Variants in PRKCB observed in about 807,000 individuals in gnomAD.
PRKCB encodes the protein protein kinase C beta type.
PRKCB carries 13 observed loss-of-function variants against 81.5 expected under a neutral mutation model. That is an observed-to-expected ratio of 0.16 (90% CI 0.10 to 0.25). PRKCB has a LOEUF of 0.25. Ranked by LOEUF, PRKCB falls within the 10% of genes least tolerant of loss-of-function variation. The pLI is 1.00. For synonymous variants in PRKCB, 335 were observed against 321.4 expected (o/e 1.04, Z -0.45); for missense variants, 509 against 875.7 (o/e 0.58, Z 5.29).
intron 5 of PRKCB, among the ~76,000 whole-genome samples, chr16:24,052,172 CAT>C (rs1255832237): frequency 1.3e-5 from 2 of 151,824 alleles, no homozygotes; most frequent in Non-Finnish European, 2.9e-5. Flanking sequence ...TGCCAATGTG[CAT>C]TGGAGAGCTG....
chr16:24,100,881 C>T (rs973250982), intron 7 of PRKCB, among the ~76,000 whole-genome samples: 1 of 152,088 alleles, frequency 6.6e-6, no homozygotes, highest in African/African-American at 2.4e-5. Flanking sequence ...ATGGGGAATG[C>T]TGATTGGTGG....
intron 9 of PRKCB, among the ~76,000 whole-genome samples, chr16:24,148,816 A>C (rs1437010589): frequency 1.3e-5 from 2 of 152,142 alleles, no homozygotes; most frequent in Non-Finnish European, 2.9e-5. Flanking sequence ...CCATAGCCAC[A>C]CTCATTCACT....
chr16:23,911,825 C>CTTTTTTTTTTTTTTTT lies in PRKCB; in HGVS notation c.205+74419_205+74420insTTTTTTTTTTTTTTTT, dbSNP rs1567311221. Among the ~76,000 whole-genome samples the CTTTTTTTTTTTTTTTT allele has an allele frequency of 7.9e-5, 10 of 126,372 alleles. 4 individuals carry two copies. The highest frequency in any genetic ancestry group is 1.3e-4 in the Non-Finnish European group (8 of 61,704). 82.9% of individuals were successfully genotyped at this position (126,372 alleles called of 152,430 possible). The stretch of plus-strand genomic sequence containing the variant: ...CTTGTCCTGGGATATGCGCGACCCA[C>CTTTTTTTTTTTTTTTT]ATTTTTTTTTTTTTTTTTTTTTTTT... On this transcript the variant is annotated intron_variant, in intron 2 of 16. Transcript: ENST00000643927.
intron 7 of PRKCB, among the ~76,000 whole-genome samples, chr16:24,107,256 T>G (rs1966590860): frequency 6.6e-6 from 1 of 152,250 alleles, no homozygotes; most frequent in Non-Finnish European, 1.5e-5. Flanking sequence ...TTCTCTCTTT[T>G]GGCAGCAGTT....
intron 5 of PRKCB, among the ~76,000 whole-genome samples, chr16:24,059,394 A>C (rs957404244): frequency 2.0e-5 from 3 of 152,174 alleles, no homozygotes; most frequent in Non-Finnish European, 2.9e-5. Context: ...GCAGTGGCTC[A>C]TGTCTGTAAT....
intron 5 of PRKCB, among the ~76,000 whole-genome samples, chr16:24,065,769 G>C (rs1051911485): frequency 6.6e-6 from 1 of 152,148 alleles, no homozygotes; most frequent in Admixed American, 6.5e-5. Context: ...AGCTATTCAG[G>C]AGTCTGAGAC....
intron 2 of PRKCB, among the ~76,000 whole-genome samples, chr16:23,987,400 G>GT (rs1391008555): frequency 1.1e-4 from 13 of 123,512 alleles, no homozygotes; most frequent in Non-Finnish European, 1.4e-4. Context: ...TTTGGTTGGG[G>GT]TGGGGGGGGG....
chr16:24,168,409 T>C (rs1454017285), intron 10 of PRKCB, among the ~76,000 whole-genome samples: 3 of 152,162 alleles, frequency 2.0e-5, no homozygotes, highest in East Asian at 3.9e-4. Context: ...ACCTTTTACG[T>C]TGTGACTCAG....
At chr16:23,861,563 C>T (rs566403391) in intron 2 of PRKCB, among the ~76,000 whole-genome samples, 11 of 152,302 alleles carry the variant, frequency 7.2e-5, no homozygotes, top group South Asian at 4.1e-4. Context: ...TGTCATCAAG[C>T]GCCTCTCAGT....
chr16:24,194,818 G>A (rs1253726096), intron 16 of PRKCB, among the ~76,000 whole-genome samples: 1 of 152,198 alleles, frequency 6.6e-6, no homozygotes, highest in Non-Finnish European at 1.5e-5. Context: ...ACAGTGATCA[G>A]GCTGTGCTAC....
intron 2 of PRKCB, among the ~76,000 whole-genome samples, chr16:23,894,729 T>C (rs993717375): frequency 3.9e-5 from 6 of 152,230 alleles, no homozygotes; most frequent in African/African-American, 1.2e-4. Flanking sequence ...TGTAAAAACC[T>C]GAAGCAATGT....
intron 2 of PRKCB, among the ~76,000 whole-genome samples, chr16:23,920,277 G>A (rs1305072741): frequency 6.6e-6 from 1 of 151,932 alleles, no homozygotes; most frequent in Non-Finnish European, 1.5e-5. Context: ...TGTGCTTATT[G>A]GCCATTTATG....
chr16:23,978,702 C>T (rs901370715), intron 2 of PRKCB, among the ~76,000 whole-genome samples: 1 of 152,050 alleles, frequency 6.6e-6, no homozygotes, highest in Non-Finnish European at 1.5e-5. Flanking sequence ...TGGGTAGATG[C>T]CGGGCTAAGC....
At chr16:24,154,145 A>T (rs1363523552) in intron 9 of PRKCB, among the ~76,000 whole-genome samples, 1 of 152,104 alleles carries the variant, frequency 6.6e-6, no homozygotes, top group Non-Finnish European at 1.5e-5. Context: ...ATATACAATC[A>T]TCTCCCCTGG....
intron 2 of PRKCB, among the ~76,000 whole-genome samples, chr16:23,944,460 C>T (rs1964179369): frequency 6.6e-6 from 1 of 152,110 alleles, no homozygotes; most frequent in African/African-American, 2.4e-5. Context: ...ATGACAAATG[C>T]TTGAATCATC....
chr16:24,122,188 G>C (rs1321172323), intron 8 of PRKCB, among the ~76,000 whole-genome samples: 1 of 152,144 alleles, frequency 6.6e-6, no homozygotes, highest in African/African-American at 2.4e-5. Flanking sequence ...GAGTTCTGGG[G>C]AAAGAGTGCT....
intron 2 of PRKCB, chr16:23,869,351 G>T (rs1440762090): frequency 7.1e-6 from 2 of 281,554 alleles, no homozygotes; most frequent in African/African-American, 2.2e-5. Flanking sequence ...CACGTAGCAC[G>T]AGTAAGAGCT....
At chr16:24,157,717 A>G (rs1825692207) in intron 10 of PRKCB, among the ~76,000 whole-genome samples, 1 of 147,756 alleles carries the variant, frequency 6.8e-6, no homozygotes, top group South Asian at 2.1e-4. Flanking sequence ...TAGTCATGAG[A>G]GTGAGTGAAT....
intron 2 of PRKCB, among the ~76,000 whole-genome samples, chr16:23,878,284 T>C (rs965630151): frequency 3.9e-5 from 6 of 152,220 alleles, no homozygotes; most frequent in African/African-American, 1.4e-4. Flanking sequence ...GATCAACCCG[T>C]AAGCTTATTC....
Sources: gnomAD v4.1 joint callset for allele counts (sites outside exome capture counted in the v4.1 genomes callset) on GRCh38, gnomAD v4.1.1 for gene constraint, MANE v1.5 for transcripts, NCBI Gene and HGNC (gene_info 2026-07-23, HGNC 2026-07-21) for gene names.